The following ELL variants were observed in gnomAD, a reference collection of about 807,000 sequenced individuals.
The protein encoded by ELL is RNA polymerase II elongation factor ELL.
A neutral mutation model predicts 64.0 loss-of-function variants in ELL; 18 were observed. That is an observed-to-expected ratio of 0.28 (90% CI 0.19 to 0.42). ELL has a LOEUF of 0.42. ELL is among the 10% of genes least tolerant of loss of function. ELL has a pLI of 1.00. For synonymous variants in ELL, 399 were observed against 376.2 expected, an observed-to-expected ratio of 1.06 and a Z score of -0.70; for missense variants, 797 against 870.4, an observed-to-expected ratio of 0.92 and a Z score of 1.06.
rs1974511653 is a variant in ELL at position 18,450,738 on chromosome 19, T to C, written c.1204A>G (p.Asn402Asp). Residue 402 changes from asparagine to aspartate, a missense_variant, in exon 8 of 12, where the codon AAT (asparagine) becomes GAT (aspartate). By Grantham distance (23) the Asn-to-Asp change is conservative. Coordinates refer to ENST00000262809, the MANE Select transcript of ELL (RefSeq NM_006532.4). The stretch of plus-strand genomic sequence containing the variant: ...TCTCGGCCGCTGTGGCCCAGGTCAT[T>C]GCTGACATCGGCCAGGGGGTCGTGG... ...RAHDPLADVS[N>D]DLGHSGRDCE... 4 of 1,584,496 alleles carry C rather than the reference T, an allele frequency of 2.5e-6. 1 individual carries two copies. The highest frequency in any genetic ancestry group is 2.7e-5 in the African/African-American group (2 of 74,518).
At chr19:18,510,115 C>T (rs1186269430) in intron 1 of ELL, among the ~76,000 whole-genome samples, 3 of 152,332 alleles carry the variant, frequency 2.0e-5, no homozygotes, top group East Asian at 3.9e-4. Context: ...CGCCTGTAAT[C>T]CCAGCACTTT....
intron 1 of ELL, among the ~76,000 whole-genome samples, chr19:18,521,190 C>G (rs1976262426): frequency 6.6e-6 from 1 of 152,214 alleles, no homozygotes; most frequent in Admixed American, 6.5e-5. Flanking sequence ...GATAACATCA[C>G]AGCCGCCCCC....
intron 2 of ELL, among the ~76,000 whole-genome samples, chr19:18,469,613 A>G (rs1975020168): frequency 6.6e-6 from 1 of 152,234 alleles, no homozygotes; most frequent in South Asian, 2.1e-4. Context: ...TCCCGGCTCC[A>G]GGTTATAGGG....
rs145276930 is a variant in ELL, at chr19:18,518,209, CA to C, written c.135+3711del. On this transcript the variant is annotated intron_variant, in intron 1 of 11. Coordinates refer to ENST00000262809, the MANE Select transcript of ELL (RefSeq NM_006532.4). ...TCTCAAAAAACAACAACAACAACAA[CA>C]AAAACTAGGCCAGGCACGATGGCTC... Among the ~76,000 whole-genome samples the C allele has an allele frequency of 1.2e-3, 164 of 131,492 alleles. 3 individuals carry two copies. The East Asian group carries it at 0.032, about 26-fold the overall frequency. 86.3% of individuals were successfully genotyped at this position (131,492 alleles called of 152,430 possible). A position where few individuals can be genotyped will look rare whatever the true frequency, so the allele number is the denominator to read the frequency against.
At chr19:18,464,656 T>C (rs1462701780) in intron 4 of ELL, among the ~76,000 whole-genome samples, 1 of 152,118 alleles carries the variant, frequency 6.6e-6, no homozygotes, top group Admixed American at 6.5e-5. Context: ...TTCTTAAAGA[T>C]AAAACTCAAA....
Position 18,444,552 on chromosome 19 carries a change from G to C in ELL, c.*200C>G, listed in dbSNP as rs1974367909. ...TTCCTGGGGAGCCCATCATAAGCAGGGACTGCTCAGGAAGCGCAGGGAGGG... is the reference window on the plus strand; with the variant it reads ...TTCCTGGGGAGCCCATCATAAGCAGCGACTGCTCAGGAAGCGCAGGGAGGG... On this transcript the variant is annotated 3_prime_UTR_variant, in exon 12 of 12. Coordinates refer to ENST00000262809, the MANE Select transcript of ELL (RefSeq NM_006532.4). 1.8e-6 allele frequency: 1 copy of C among 542,860 alleles called. No individual in the cohort carries two copies. The highest frequency in any genetic ancestry group is 3.6e-5 in the Admixed American group (1 of 28,110). 33.6% of individuals were successfully genotyped at this position (542,860 alleles called of 1,614,324 possible). A position where few individuals can be genotyped will look rare whatever the true frequency, so the allele number is the denominator to read the frequency against.
chr19:18,513,216 C>T (rs915873860), intron 1 of ELL, among the ~76,000 whole-genome samples: 1 of 152,226 alleles, frequency 6.6e-6, no homozygotes, highest in Non-Finnish European at 1.5e-5. Flanking sequence ...CAGGCCGTGG[C>T]CTGTGCTGGG....
At chr19:18,475,465 G>T (rs1975156653) in intron 1 of ELL, among the ~76,000 whole-genome samples, 1 of 134,796 alleles carries the variant, frequency 7.4e-6, no homozygotes, top group Non-Finnish European at 1.5e-5. Flanking sequence ...TTAAACAAAG[G>T]GTTAAACACA....
At position 18,444,702 on chromosome 19, in the gene ELL, C is replaced by A. The variant is rs758840241; in HGVS notation, c.*50G>T. ...TTTTTTTAAATAAATCCTCTCTCAC[C>A]GCCTTTTGCTCCCCCGACCCTCCCA... On this transcript the variant is annotated 3_prime_UTR_variant, in exon 12 of 12. Transcript: ENST00000262809. 2.0e-6 allele frequency: 3 copies of A among 1,512,808 alleles called. No homozygotes were observed. The highest frequency in any genetic ancestry group is 2.8e-5 in the African/African-American group (2 of 72,028). 93.7% of individuals were successfully genotyped at this position (1,512,808 alleles called of 1,614,324 possible).
At chr19:18,451,303 A>C (rs571415133) in intron 7 of ELL, among the ~76,000 whole-genome samples, 1 of 152,180 alleles carries the variant, frequency 6.6e-6, no homozygotes, top group African/African-American at 2.4e-5. Flanking sequence ...GGTTGAGCCC[A>C]CATCAGGGAG....
chr19:18,494,295 A>AG (rs1975599882), intron 1 of ELL, among the ~76,000 whole-genome samples: 1 of 152,214 alleles, frequency 6.6e-6, no homozygotes, highest in African/African-American at 2.4e-5. Flanking sequence ...AGAGAGAGAG[A>AG]GAAAAAGGAG....
intron 6 of ELL, among the ~76,000 whole-genome samples, chr19:18,455,777 CT>C (rs1204887987): frequency 6.6e-6 from 1 of 151,472 alleles, no homozygotes; most frequent in African/African-American, 2.4e-5. Context: ...TCAAAGAAGT[CT>C]CCTAAAAGGA....
At chr19:18,448,682 G>C (rs533656629) in intron 8 of ELL, 2 of 152,390 alleles carry the variant, frequency 1.3e-5, no homozygotes, top group South Asian at 4.1e-4. Flanking sequence ...CATGCCCCAA[G>C]ATCTTCACCA....
intron 1 of ELL, among the ~76,000 whole-genome samples, chr19:18,514,875 T>C (rs1240905099): frequency 6.6e-6 from 1 of 152,166 alleles, no homozygotes; most frequent in African/African-American, 2.4e-5. Context: ...CTCTGAAAAC[T>C]AGGGTCTCTT....
chr19:18,467,940 C>T (rs944521494), intron 2 of ELL, among the ~76,000 whole-genome samples: 1 of 142,696 alleles, frequency 7.0e-6, no homozygotes, highest in African/African-American at 2.6e-5. Flanking sequence ...CACACAATAC[C>T]CAACACATAG....
chr19:18,459,023 G>A (rs10164319), intron 5 of ELL, among the ~76,000 whole-genome samples: 66,871 of 152,044 alleles, frequency 0.44, 16,548 homozygotes, highest in African/African-American at 0.68. Context: ...CAAGTAGGTG[G>A]GCTATAAGCA....
At chr19:18,517,809 C>T (rs1370829238) in intron 1 of ELL, among the ~76,000 whole-genome samples, 1 of 150,746 alleles carries the variant, frequency 6.6e-6, no homozygotes, top group Non-Finnish European at 1.5e-5. Flanking sequence ...ATCACTTAAG[C>T]CCAGGAGTTC....
intron 1 of ELL, among the ~76,000 whole-genome samples, chr19:18,520,646 C>A (rs1976245585): frequency 6.6e-6 from 1 of 151,998 alleles, no homozygotes; most frequent in Non-Finnish European, 1.5e-5. Context: ...TGGAGCTGAA[C>A]AAGTTCGGGG....
chr19:18,481,414 C>T (rs1975297950), intron 1 of ELL, among the ~76,000 whole-genome samples: 1 of 152,126 alleles, frequency 6.6e-6, no homozygotes, highest in Admixed American at 6.5e-5. Flanking sequence ...CAGGCTCAGG[C>T]ACTCCCTGGC....
Sources: allele counts gnomAD v4.1 joint callset (sites outside exome capture counted in the v4.1 genomes callset), GRCh38; gene constraint gnomAD v4.1.1; transcripts MANE v1.5; gene names NCBI Gene and HGNC (gene_info 2026-07-23, HGNC 2026-07-21).